FHIT: variants seen among roughly 807,000 people sequenced by gnomAD.
FHIT encodes fragile histidine triad diadenosine triphosphatase, also known as bis(5'-adenosyl)-triphosphatase.
In FHIT, 19 loss-of-function variants were observed where a neutral mutation model predicts 17.9. That is an observed-to-expected ratio of 1.06 (90% CI 0.74 to 1.56). The LOEUF is 1.56. Among genes scored for constraint, FHIT ranks in the 40% most tolerant of loss-of-function variants. The pLI is 0.00. For missense variants in FHIT, 248 were observed against 189.2 expected, an observed-to-expected ratio of 1.31 and a Z score of -1.82; for synonymous variants, 81 against 69.7, an observed-to-expected ratio of 1.16 and a Z score of -0.81.
At chr3:60,641,032 TAGCC>T (rs543221436) in intron 4 of FHIT, among the ~76,000 whole-genome samples, 50 of 152,092 alleles carry the variant, frequency 3.3e-4, no homozygotes, top group African/African-American at 1.2e-3. Flanking sequence ...ATACAAAATT[TAGCC>T]AGGTATGGTG....
chr3:59,928,060 G>C (rs1489062710), intron 7 of FHIT, among the ~76,000 whole-genome samples: 3 of 152,194 alleles, frequency 2.0e-5, no homozygotes, highest in Non-Finnish European at 2.9e-5. Context: ...AAGGAAGGCT[G>C]AAGAGCTACC....
chr3:60,647,368 TCCTGCAATTCTGAAGGG>T (rs1341546305), intron 4 of FHIT, among the ~76,000 whole-genome samples: 2 of 152,156 alleles, frequency 1.3e-5, no homozygotes, highest in African/African-American at 4.8e-5. Flanking sequence ...TAGATTTAGC[TCCTGCAATTCTGAAGGG>T]CCTCAGAGAT....
intron 3 of FHIT, among the ~76,000 whole-genome samples, chr3:60,929,930 G>C (rs1268123581): frequency 6.6e-6 from 1 of 152,134 alleles, no homozygotes; most frequent in African/African-American, 2.4e-5. Flanking sequence ...AAAGAACAAA[G>C]CTGGAGGCAT....
chr3:60,194,249 A>T (rs947194690), intron 5 of FHIT, among the ~76,000 whole-genome samples: 1 of 152,210 alleles, frequency 6.6e-6, no homozygotes, highest in Non-Finnish European at 1.5e-5. Context: ...TTATAGGCCA[A>T]TGGAACAGAA....
At chr3:60,036,853 TAA>T (rs2106812868) in intron 5 of FHIT, among the ~76,000 whole-genome samples, 2 of 152,320 alleles carry the variant, frequency 1.3e-5, no homozygotes, top group East Asian at 3.9e-4. Flanking sequence ...TTTTCTGCAA[TAA>T]AATTTCCGTT....
intron 5 of FHIT, among the ~76,000 whole-genome samples, chr3:60,294,952 A>T (rs1381784848): frequency 6.6e-6 from 1 of 152,108 alleles, no homozygotes; most frequent in East Asian, 1.9e-4. Context: ...GATTGCTTCT[A>T]GTTTTTGGCC....
intron 7 of FHIT, among the ~76,000 whole-genome samples, chr3:60,005,008 G>A (rs1186743716): frequency 6.6e-6 from 1 of 152,098 alleles, no homozygotes; most frequent in Non-Finnish European, 1.5e-5. Flanking sequence ...AGCTCAGAAA[G>A]GTTAACTCGC....
chr3:60,042,897 G>C (rs1437463009), intron 5 of FHIT, among the ~76,000 whole-genome samples: 1 of 152,130 alleles, frequency 6.6e-6, no homozygotes, highest in Non-Finnish European at 1.5e-5. Flanking sequence ...ATTTCAAAGA[G>C]GAAAGGTACC....
intron 7 of FHIT, among the ~76,000 whole-genome samples, chr3:60,003,571 C>G (rs1243205712): frequency 6.6e-6 from 1 of 152,006 alleles, no homozygotes; most frequent in African/African-American, 2.4e-5. Flanking sequence ...ATGATGAAAC[C>G]TCATCTCTAT....
intron 3 of FHIT, among the ~76,000 whole-genome samples, chr3:60,944,083 T>A (rs1317755365): frequency 6.6e-6 from 1 of 152,148 alleles, no homozygotes; most frequent in Non-Finnish European, 1.5e-5. Flanking sequence ...CCTGCCTTCA[T>A]CCTACCACCT....
intron 4 of FHIT, among the ~76,000 whole-genome samples, chr3:60,642,402 T>A (rs1036268263): frequency 6.6e-6 from 1 of 152,182 alleles, no homozygotes; most frequent in East Asian, 1.9e-4. Context: ...AGATCCTTAA[T>A]TTAAATGGAA....
At chr3:60,749,305 G>A (rs1163516126) in intron 4 of FHIT, among the ~76,000 whole-genome samples, 5 of 105,952 alleles carry the variant, frequency 4.7e-5, no homozygotes, top group East Asian at 2.7e-4. Context: ...GCTCTGAGAC[G>A]GTTTTTTTTC....
chr3:60,654,447 T>C (rs558373442), intron 4 of FHIT, among the ~76,000 whole-genome samples: 10 of 152,068 alleles, frequency 6.6e-5, no homozygotes, highest in Admixed American at 6.5e-4. Flanking sequence ...GGGAGCAAAA[T>C]GGAGGTCTGT....
intron 4 of FHIT, among the ~76,000 whole-genome samples, chr3:60,696,584 G>A (rs1377718859): frequency 4.6e-5 from 7 of 152,224 alleles, no homozygotes; most frequent in Admixed American, 6.5e-5. Context: ...GCATTAAGGC[G>A]ATAAAGGAGA....
intron 5 of FHIT, among the ~76,000 whole-genome samples, chr3:60,045,982 G>A (rs569892432): frequency 3.5e-4 from 54 of 152,228 alleles, no homozygotes; most frequent in Admixed American, 1.2e-3. Context: ...TCTAATTTTT[G>A]GTTACAATCA....
chr3:60,559,939 TC>T (rs1269292028), intron 4 of FHIT, among the ~76,000 whole-genome samples: 1 of 152,184 alleles, frequency 6.6e-6, no homozygotes, highest in African/African-American at 2.4e-5. Context: ...TCTTTACTTT[TC>T]CTGGCATGCC....
At chr3:60,082,701 T>G (rs1421515710) in intron 5 of FHIT, among the ~76,000 whole-genome samples, 2 of 152,180 alleles carry the variant, frequency 1.3e-5, no homozygotes, top group African/African-American at 4.8e-5. Context: ...CACCGTGGTT[T>G]GGATTTGTAT....
intron 4 of FHIT, among the ~76,000 whole-genome samples, chr3:60,562,254 G>A (rs1419137775): frequency 6.6e-6 from 1 of 152,184 alleles, no homozygotes; most frequent in Non-Finnish European, 1.5e-5. Flanking sequence ...AAAGACAGCA[G>A]TGAACAAAAC....
At chr3:60,398,743 A>G (rs1701551863) in intron 5 of FHIT, among the ~76,000 whole-genome samples, 1 of 152,182 alleles carries the variant, frequency 6.6e-6, no homozygotes. Flanking sequence ...ATTTTGTGGA[A>G]GGAATAAGGT....
Sources: allele counts gnomAD v4.1 joint callset (sites outside exome capture counted in the v4.1 genomes callset), GRCh38; gene constraint gnomAD v4.1.1; transcripts MANE v1.5; gene names NCBI Gene and HGNC (gene_info 2026-07-23, HGNC 2026-07-21).